The following NEK6 variants were observed in gnomAD, a reference collection of about 807,000 sequenced individuals.
The protein encoded by NEK6 is serine/threonine-protein kinase Nek6.
In NEK6, 27 loss-of-function variants were observed where a neutral mutation model predicts 43.5. The observed-to-expected ratio is 0.62, with a 90% CI of 0.46 to 0.86. The LOEUF is 0.86. Ranked by LOEUF, NEK6 falls within the 40% of genes least tolerant of loss-of-function variation. NEK6 has a pLI of 0.00. For missense variants in NEK6, 318 were observed against 414.4 expected, an observed-to-expected ratio of 0.77 and a Z score of 2.02; for synonymous variants, 167 against 164.1, an observed-to-expected ratio of 1.02 and a Z score of -0.14.
chr9:124,327,252 C>A, intron 6 of NEK6, 86 bp from the exon 7 acceptor site: 1 of 1,120,152 alleles, frequency 8.9e-7, no homozygotes, highest in Non-Finnish European at 1.3e-6. Context: ...TGGGCTAGGC[C>A]TCACCTTCCT....
At chr9:124,347,601 G>A (rs981509449) in intron 8 of NEK6, 108 bp from the exon 9 acceptor site, 12 of 627,756 alleles carry the variant, frequency 1.9e-5, no homozygotes, top group Non-Finnish European at 3.3e-5. Flanking sequence ...CGCCGCGGTC[G>A]GGACCAGAGA....
At chr9:124,298,110 G>A (rs1832782903) in intron 1 of NEK6, among the ~76,000 whole-genome samples, 1 of 152,198 alleles carries the variant, frequency 6.6e-6, no homozygotes, top group Non-Finnish European at 1.5e-5. Flanking sequence ...CTTCCTCTGA[G>A]CCTCGGTTTC....
chr9:124,314,492 TGGTGGG>T (rs1224417650), intron 4 of NEK6, among the ~76,000 whole-genome samples: 19 of 150,416 alleles, frequency 1.3e-4, no homozygotes, highest in African/African-American at 4.7e-4. Context: ...GTGGTGGTGG[TGGTGGG>T]TTTTTTTTTT....
chr9:124,304,652 A>T (rs571933575), intron 2 of NEK6, among the ~76,000 whole-genome samples: 1 of 152,348 alleles, frequency 6.6e-6, no homozygotes, highest in African/African-American at 2.4e-5. Flanking sequence ...CGAGCTGGAT[A>T]ATACCCCCAG....
In NEK6 at chr9:124,326,455, A is replaced by G. The variant is rs200640810; in HGVS notation, c.514+17A>G. ...TGCACCGAGGTACGTGCCACCCGCC[A>G]GGAGCCGCCCGGAGCCACCTGGAGC... On this transcript the variant is annotated intron_variant, in intron 6 of 9. Transcript: ENST00000320246. This position sits in a 1 kb window ranked among gnomAD's most constrained non-coding sequence, Gnocchi z 4.5. The G allele has an allele frequency of 1.5e-6, 2 of 1,313,770 alleles. No individual in the cohort carries two copies. The highest frequency in any genetic ancestry group is 2.0e-6 in the Non-Finnish European group (2 of 1,010,282). The allele number at this position is 1,313,770 out of a possible 1,614,324, so 81.4% of individuals were successfully genotyped here.
chr9:124,331,898 A>T (rs1345138998), intron 7 of NEK6, among the ~76,000 whole-genome samples: 1 of 152,228 alleles, frequency 6.6e-6, no homozygotes, highest in Admixed American at 6.5e-5. Flanking sequence ...CCAACAGTGC[A>T]GGATGCCTGG....
chr9:124,281,551 A>AGTG (rs1365327183), intron 1 of NEK6, among the ~76,000 whole-genome samples: 1 of 119,292 alleles, frequency 8.4e-6, no homozygotes, highest in Non-Finnish European at 1.6e-5. Flanking sequence ...CCCAGACTGG[A>AGTG]GTGCAGTGGT....
chr9:124,302,361 C>T (rs188162824), intron 2 of NEK6, among the ~76,000 whole-genome samples: 1 of 152,160 alleles, frequency 6.6e-6, no homozygotes, highest in African/African-American at 2.4e-5. Context: ...TGGAAGGGTA[C>T]AGAGGGTGCT....
intron 1 of NEK6, among the ~76,000 whole-genome samples, chr9:124,290,315 C>T (rs901211705): frequency 3.3e-5 from 5 of 152,218 alleles, no homozygotes; most frequent in Non-Finnish European, 7.4e-5. Flanking sequence ...GGGTGCCACA[C>T]GCACCAGGTC....
intron 7 of NEK6, among the ~76,000 whole-genome samples, chr9:124,338,642 G>A (rs1048109234): frequency 6.6e-6 from 1 of 152,202 alleles, no homozygotes; most frequent in East Asian, 1.9e-4. Context: ...AGTCTGGACC[G>A]GCTAATTGGC....
intron 1 of NEK6, chr9:124,299,984 C>G (rs917627882): frequency 6.6e-6 from 1 of 152,160 alleles, no homozygotes; most frequent in African/African-American, 2.4e-5. Context: ...ATCCTGTCAT[C>G]TATTTTGAGA....
At chr9:124,283,875 C>T (rs895557070) in intron 1 of NEK6, among the ~76,000 whole-genome samples, 8 of 152,242 alleles carry the variant, frequency 5.3e-5, no homozygotes, top group South Asian at 2.1e-4. Context: ...TGCAGAGCAG[C>T]GGGCACCCTG....
At position 124,324,966 on chromosome 9, in the gene NEK6, G is replaced by A. The variant is rs1834261262; in HGVS notation, c.406-1364G>A. Among the ~76,000 whole-genome samples, 1 of 152,216 alleles carries A rather than the reference G, an allele frequency of 6.6e-6. No homozygotes were observed. Among genetic ancestry groups the A allele is most frequent in the South Asian group, 2.1e-4 (1 of 4,834 alleles). On this transcript the variant is annotated intron_variant, in intron 5 of 9. Coordinates refer to ENST00000320246, the MANE Select transcript of NEK6 (RefSeq NM_014397.6). The surrounding 1 kb of genome is among the most constrained non-coding windows in gnomAD (Gnocchi z 5.3). ...GAGGCAGGCAGATCACCTGAGGTGA[G>A]GAGTTCGAGACCAGCCTGGCTAACG... is the stretch of plus-strand genomic sequence containing the variant.
At chr9:124,338,183 G>C (rs1829387444) in intron 7 of NEK6, among the ~76,000 whole-genome samples, 1 of 152,190 alleles carries the variant, frequency 6.6e-6, no homozygotes, top group Non-Finnish European at 1.5e-5. Context: ...GTTTCACCAT[G>C]TTGGCCATGC....
At chr9:124,291,365 G>A (rs185858769) in intron 1 of NEK6, among the ~76,000 whole-genome samples, 11 of 152,314 alleles carry the variant, frequency 7.2e-5, no homozygotes, top group African/African-American at 9.6e-5. Context: ...GGTGGCTCAC[G>A]CCTGTAATCT....
At chr9:124,331,654 A>C (rs1038599217) in intron 7 of NEK6, among the ~76,000 whole-genome samples, 1 of 152,192 alleles carries the variant, frequency 6.6e-6, no homozygotes, top group Non-Finnish European at 1.5e-5. Context: ...CCCCACAGGG[A>C]AGGACAGAGC....
At chr9:124,335,546 CA>C (rs1829245654) in intron 7 of NEK6, among the ~76,000 whole-genome samples, 1 of 152,208 alleles carries the variant, frequency 6.6e-6, no homozygotes, top group South Asian at 2.1e-4. Flanking sequence ...TCCGGGCAGC[CA>C]TCAGTTAAAT....
intron 1 of NEK6, among the ~76,000 whole-genome samples, chr9:124,297,875 G>A (rs191817220): frequency 4.1e-4 from 62 of 152,294 alleles, no homozygotes; most frequent in Middle Eastern, 3.4e-3. Flanking sequence ...TGGCCTTTCT[G>A]CATCTGAACC....
chr9:124,325,845 T>G (rs1015733781), intron 5 of NEK6, among the ~76,000 whole-genome samples: 1 of 152,224 alleles, frequency 6.6e-6, no homozygotes, highest in Non-Finnish European at 1.5e-5. Context: ...TGAGATCTGC[T>G]GGTTCCGAGG....
Sources: allele counts gnomAD v4.1 joint callset (sites outside exome capture counted in the v4.1 genomes callset), GRCh38; gene constraint gnomAD v4.1.1; non-coding constraint Gnocchi (gnomAD v3.1); transcripts MANE v1.5; gene names NCBI Gene and HGNC (gene_info 2026-07-23, HGNC 2026-07-21).